Variants in ARF3 observed in about 807,000 individuals in gnomAD.
The protein encoded by ARF3 is ARF GTPase 3, also known as ADP-ribosylation factor 3.
Under a neutral mutation model 19.3 loss-of-function variants are expected in ARF3, and 5 were observed. The ratio of observed to expected loss-of-function variants is 0.26; its 90% CI spans 0.14 to 0.54. ARF3 has a LOEUF of 0.54. ARF3 is among the 20% of genes least tolerant of loss of function. The pLI is 0.95. For synonymous variants in ARF3, 71 were observed against 89.2 expected, an observed-to-expected ratio of 0.80 and a Z score of 1.15; for missense variants, 77 against 234.2, an observed-to-expected ratio of 0.33 and a Z score of 4.38.
intron 1 of ARF3, among the ~76,000 whole-genome samples, chr12:48,950,677 CCT>C (rs1940450341): frequency 6.6e-6 from 1 of 152,034 alleles, no homozygotes; most frequent in South Asian, 2.1e-4. Context: ...CCCCAATCCC[CCT>C]GTCCCTCCAG....
chr12:48,942,187 C>T (rs1940270589), intron 1 of ARF3, among the ~76,000 whole-genome samples: 1 of 152,006 alleles, frequency 6.6e-6, no homozygotes, highest in Non-Finnish European at 1.5e-5. Context: ...AGATCTACTA[C>T]TCTCTCTTTG....
intron 1 of ARF3, chr12:48,941,634 A>C (rs1452437666): frequency 6.6e-6 from 1 of 152,220 alleles, no homozygotes; most frequent in Non-Finnish European, 1.5e-5. Flanking sequence ...GTGACTCCTG[A>C]CAAGGTTCAG....
chr12:48,945,560 C>G (rs1204448497), intron 1 of ARF3, among the ~76,000 whole-genome samples: 2 of 150,836 alleles, frequency 1.3e-5, no homozygotes, highest in Non-Finnish European at 3.0e-5. Context: ...AAGACTCTGT[C>G]TCAAAAAAAA....
chr12:48,951,666 G>A (rs535192061), intron 1 of ARF3, among the ~76,000 whole-genome samples: 1 of 152,252 alleles, frequency 6.6e-6, no homozygotes, highest in South Asian at 2.1e-4. Context: ...GGTCACCTGA[G>A]ATCGGGAGTT....
rs529053797 is a variant in ARF3 at position 48,935,903 on chromosome 12, G to A, written c.*3044C>T. On this transcript the variant is annotated 3_prime_UTR_variant, in exon 5 of 5. Transcript: ENST00000256682. ...AAGTCCATACAGTCTACCAACAGGT[G>A]AGAAATACAGCTGATTTCAGGTTTA... 1 of 152,328 alleles carries A rather than the reference G, an allele frequency of 6.6e-6. No homozygotes were observed. The highest frequency in any genetic ancestry group is 1.9e-4 in the East Asian group (1 of 5,186). The allele number at this position is 152,328 out of a possible 1,614,324, so 9.4% of individuals were successfully genotyped here. A position where few individuals can be genotyped will look rare whatever the true frequency, so the allele number is the denominator to read the frequency against.
intron 1 of ARF3, among the ~76,000 whole-genome samples, chr12:48,945,681 C>T (rs1940346988): frequency 6.6e-6 from 1 of 152,144 alleles, no homozygotes; most frequent in African/African-American, 2.4e-5. Context: ...CGAGATCACG[C>T]CACTGCACTC....
At chr12:48,942,273 G>A (rs1940272756) in intron 1 of ARF3, among the ~76,000 whole-genome samples, 1 of 149,072 alleles carries the variant, frequency 6.7e-6, no homozygotes, top group South Asian at 2.1e-4. Context: ...AAGAGGCGAG[G>A]TCTTACCGTG....
Position 48,938,454 on chromosome 12 carries a change from A to C in ARF3, c.*493T>G, listed in dbSNP as rs776267861. On this transcript the variant is annotated 3_prime_UTR_variant, in exon 5 of 5. Transcript: ENST00000256682. ...CGCTCCCCCCGGCCCCCACAAATATATCTCTCTATACATGTATATACAGGC... is the reference window on the plus strand; with the variant it reads ...CGCTCCCCCCGGCCCCCACAAATATCTCTCTCTATACATGTATATACAGGC... The C allele has an allele frequency of 4.9e-5, 22 of 453,168 alleles. No individual in the cohort carries two copies. Among genetic ancestry groups the C allele is most frequent in the South Asian group, 1.4e-4 (9 of 64,252 alleles). The allele number at this position is 453,168 out of a possible 1,614,324, so 28.1% of individuals were successfully genotyped here. A position where few individuals can be genotyped will look rare whatever the true frequency, so the allele number is the denominator to read the frequency against.
Position 48,939,175 on chromosome 12 carries a change from C to G in ARF3, c.385-67G>C, listed in dbSNP as rs1940208218. On this transcript the variant is annotated intron_variant, in intron 4 of 4. Coordinates refer to ENST00000256682, the MANE Select transcript of ARF3 (RefSeq NM_001659.3). The surrounding 1 kb of genome is among the most constrained non-coding windows in gnomAD (Gnocchi z 4.8). ...TTTTAAAGGCTTCTAGAACACCCAT[C>G]TACCAAAGAAATGTGTACCAGCACC... 6.5e-7 allele frequency: 1 copy of G among 1,534,186 alleles called. No homozygotes were observed. Among genetic ancestry groups the G allele is most frequent in the South Asian group, 1.2e-5 (1 of 81,892 alleles).
chr12:48,952,096 C>T (rs1488611764), intron 1 of ARF3, among the ~76,000 whole-genome samples: 1 of 152,078 alleles, frequency 6.6e-6, no homozygotes, highest in Non-Finnish European at 1.5e-5. Context: ...TAAATAAGTT[C>T]CTATTAGCTC....
Position 48,939,567 on chromosome 12 carries a change from AG to A in ARF3, c.384+87del. 2 of 1,564,570 alleles carry A rather than the reference AG, an allele frequency of 1.3e-6. No homozygotes were observed. Among genetic ancestry groups the A allele is most frequent in the Non-Finnish European group, 1.7e-6 (2 of 1,143,832 alleles). On this transcript the variant is annotated intron_variant, in intron 4 of 4. Coordinates refer to ENST00000256682, the MANE Select transcript of ARF3 (RefSeq NM_001659.3). This position sits in a 1 kb window ranked among gnomAD's most constrained non-coding sequence, Gnocchi z 4.8. ...CTTCTAACATTGAGAGCATACTAAAAGGGTTAACCATATAATAGGCCCAAGA... is the reference window on the plus strand; with the variant it reads ...CTTCTAACATTGAGAGCATACTAAAAGGTTAACCATATAATAGGCCCAAGA...
chr12:48,950,993 G>T (rs1940458008), intron 1 of ARF3, among the ~76,000 whole-genome samples: 2 of 151,776 alleles, frequency 1.3e-5, no homozygotes, highest in Admixed American at 1.3e-4. Context: ...CACCATGTTG[G>T]TCAGGCTGGT....
chr12:48,945,623 T>C (rs1479964072), intron 1 of ARF3, among the ~76,000 whole-genome samples: 1 of 151,778 alleles, frequency 6.6e-6, no homozygotes, highest in East Asian at 2.0e-4. Flanking sequence ...CTCCAGAGGC[T>C]CAGGCAGGAG....
At chr12:48,948,161 C>T (rs1171984628) in intron 1 of ARF3, among the ~76,000 whole-genome samples, 3 of 151,272 alleles carry the variant, frequency 2.0e-5, no homozygotes, top group Admixed American at 6.6e-5. Context: ...GCCATGATCA[C>T]GCCACTGCAC....
In ARF3 at chr12:48,938,235, CCAT is replaced by C. The variant is rs142566771; in HGVS notation, c.*709_*711del. ...TACAAGGAAAATGGTGGTGAAGAATCCATCATCTGTCCTATCATCCAGAAAAAC... is the reference window on the plus strand; with the variant it reads ...TACAAGGAAAATGGTGGTGAAGAATCCATCTGTCCTATCATCCAGAAAAAC... On this transcript the variant is annotated 3_prime_UTR_variant, in exon 5 of 5. Coordinates refer to ENST00000256682, the MANE Select transcript of ARF3 (RefSeq NM_001659.3). The C allele has an allele frequency of 7.7e-4, 281 of 364,114 alleles. No individual in the cohort carries two copies. Among genetic ancestry groups the C allele is most frequent in the Non-Finnish European group, 1.4e-3 (251 of 180,974 alleles). The allele number at this position is 364,114 out of a possible 1,614,324, so 22.6% of individuals were successfully genotyped here.
chr12:48,941,864 G>C (rs1189717716), intron 1 of ARF3, among the ~76,000 whole-genome samples: 2 of 152,192 alleles, frequency 1.3e-5, no homozygotes, highest in East Asian at 3.8e-4. Flanking sequence ...TAGAGAGGTG[G>C]GGTATGGCGG....
In ARF3 at chr12:48,939,056, T is replaced by C; in HGVS notation, c.437A>G (p.His146Arg). Residue 146 changes from histidine (H) to arginine (R), a missense_variant, in exon 5 of 5, where the codon CAT becomes CGT. His to Arg is a conservative substitution (Grantham distance 29). Around this residue, in one of 3 missense-constraint regions of ARF3, gnomAD observed 53 missense variants for 121.2 expected, o/e 0.44. Transcript: ENST00000256682. This position sits in a 1 kb window ranked among gnomAD's most constrained non-coding sequence, Gnocchi z 4.8. Reference protein sequence around the residue: ...AAEITDKLGLHSLRHRNWYIQ... With the variant: ...AAEITDKLGLRSLRHRNWYIQ... Reference sequence around the variant, plus strand: ...GTACCAGTTACGGTGACGAAGGGAATGCAGGCCCAGCTTGTCTGTGATCTC... The same window carrying C: ...GTACCAGTTACGGTGACGAAGGGAACGCAGGCCCAGCTTGTCTGTGATCTC... 6.2e-7 allele frequency: 1 copy of C among 1,614,110 alleles called. No individual in the cohort carries two copies. The highest frequency in any genetic ancestry group is 8.5e-7 in the Non-Finnish European group (1 of 1,180,028).
In ARF3 at chr12:48,938,759, G is replaced by C; in HGVS notation, c.*188C>G. 1 of 670,808 alleles carries C rather than the reference G, an allele frequency of 1.5e-6. No individual in the cohort carries two copies. The highest frequency in any genetic ancestry group is 1.8e-5 in the African/African-American group (1 of 55,164). The allele number at this position is 670,808 out of a possible 1,614,324, so 41.6% of individuals were successfully genotyped here. On this transcript the variant is annotated 3_prime_UTR_variant, in exon 5 of 5. Transcript: ENST00000256682. ...TGACTCATCATCAGGACAGCAATTA[G>C]GGATTGGTCATATAGGTGGACAGGA...
chr12:48,945,002 T>C (rs1196453542), intron 1 of ARF3, among the ~76,000 whole-genome samples: 1 of 142,186 alleles, frequency 7.0e-6, no homozygotes, highest in Non-Finnish European at 1.5e-5. Flanking sequence ...ATATAAAAAT[T>C]AGCTGGGCAT....
Sources: gnomAD v4.1 joint callset for allele counts (sites outside exome capture counted in the v4.1 genomes callset) on GRCh38, gnomAD v4.1.1 for gene constraint, gnomAD v4.1.1 regional missense constraint, Gnocchi (gnomAD v3.1) non-coding constraint, MANE v1.5 for transcripts, NCBI Gene and HGNC (gene_info 2026-07-23, HGNC 2026-07-21) for gene names.